The following LRRC3B variants were observed in gnomAD, a reference collection of about 807,000 sequenced individuals.
The protein encoded by LRRC3B is leucine rich repeat containing 3B, also known as leucine-rich repeat-containing protein 3B.
In LRRC3B, 2 loss-of-function variants were observed where a neutral mutation model predicts 12.8. The observed-to-expected ratio is 0.16, with a 90% CI of 0.06 to 0.49. The LOEUF is 0.49. LRRC3B is among the 20% of genes least tolerant of loss of function. The pLI, the probability that LRRC3B is intolerant of heterozygous loss-of-function variation, is 0.96. For missense variants in LRRC3B, 189 were observed against 319.4 expected, an observed-to-expected ratio of 0.59 and a Z score of 3.11; for synonymous variants, 132 against 122.0, an observed-to-expected ratio of 1.08 and a Z score of -0.54.
chr3:26,692,020 C>G (rs1264433905), intron 1 of LRRC3B, among the ~76,000 whole-genome samples: 1 of 152,192 alleles, frequency 6.6e-6, no homozygotes, highest in African/African-American at 2.4e-5. Flanking sequence ...ACTAGGATGG[C>G]TATCCACACA....
At chr3:26,671,413 G>GAGAGAGACACAC (rs9331540) in intron 1 of LRRC3B, among the ~76,000 whole-genome samples, 1 of 99,388 alleles carries the variant, frequency 1.0e-5, no homozygotes, top group African/African-American at 4.3e-5. Flanking sequence ...GAGAGAGAGA[G>GAGAGAGACACAC]ACGAAGTCTT....
At chr3:26,650,704 A>T (rs1004268829) in intron 1 of LRRC3B, among the ~76,000 whole-genome samples, 1 of 152,206 alleles carries the variant, frequency 6.6e-6, no homozygotes, top group Non-Finnish European at 1.5e-5. Context: ...GCAAGCTCCA[A>T]ATAGCTCATT....
At chr3:26,639,091 T>C (rs562439417) in intron 1 of LRRC3B, among the ~76,000 whole-genome samples, 1 of 152,332 alleles carries the variant, frequency 6.6e-6, no homozygotes, top group South Asian at 2.1e-4. Context: ...AATAGTCCCA[T>C]TCTATATAGT....
In LRRC3B at chr3:26,699,056, TTTG is replaced by T. The variant is rs1267502955; in HGVS notation, c.-160-10454_-160-10452del. 2.6e-5 allele frequency among the ~76,000 whole-genome samples: 4 copies of T among 152,160 alleles called. No homozygotes were observed. The East Asian group carries it at 7.7e-4, about 29-fold the overall frequency. The stretch of plus-strand genomic sequence containing the variant: ...TATTTTGTTTTGTTTATTTTTTATT[TTTG>T]TTTTTTGTTTTTCTTCAGTGAAATT... On this transcript the variant is annotated intron_variant, in intron 1 of 1. Coordinates refer to ENST00000396641, the Ensembl canonical transcript of LRRC3B.
chr3:26,641,318 A>G (rs1032220918), intron 1 of LRRC3B, among the ~76,000 whole-genome samples: 17 of 152,126 alleles, frequency 1.1e-4, no homozygotes, highest in African/African-American at 3.9e-4. Flanking sequence ...GGGGGTGGAG[A>G]CCCAGGGGGA....
intron 1 of LRRC3B, among the ~76,000 whole-genome samples, chr3:26,676,890 T>C (rs997980219): frequency 8.5e-5 from 13 of 152,200 alleles, no homozygotes; most frequent in African/African-American, 3.1e-4. Context: ...GATCTGGCAG[T>C]GTGATTTATA....
chr3:26,631,975 A>T (rs911581009), intron 1 of LRRC3B, among the ~76,000 whole-genome samples: 4 of 152,150 alleles, frequency 2.6e-5, no homozygotes, highest in Admixed American at 2.6e-4. Context: ...GTTGACTCAG[A>T]CTCATTTCTT....
At chr3:26,681,310 G>C (rs1298002158) in intron 1 of LRRC3B, among the ~76,000 whole-genome samples, 1 of 152,104 alleles carries the variant, frequency 6.6e-6, no homozygotes, top group African/African-American at 2.4e-5. Context: ...GTTTTAACAG[G>C]GAAATTGATT....
At chr3:26,657,729 T>G (rs561357168) in intron 1 of LRRC3B, among the ~76,000 whole-genome samples, 1 of 152,294 alleles carries the variant, frequency 6.6e-6, no homozygotes, top group East Asian at 1.9e-4. Flanking sequence ...ACTTTCGAGG[T>G]TGCTCTCTGA....
At chr3:26,687,097 G>A (rs1014243422) in intron 1 of LRRC3B, among the ~76,000 whole-genome samples, 1 of 152,164 alleles carries the variant, frequency 6.6e-6, no homozygotes, top group Non-Finnish European at 1.5e-5. Flanking sequence ...ACTGAGAACA[G>A]GACAGGGCAT....
intron 1 of LRRC3B, among the ~76,000 whole-genome samples, chr3:26,694,036 G>A (rs1477068657): frequency 1.3e-5 from 2 of 152,072 alleles, no homozygotes; most frequent in Non-Finnish European, 2.9e-5. Context: ...AGTTGGTGGT[G>A]GGTGTTTCTC....
chr3:26,632,159 G>A (rs1698770332), intron 1 of LRRC3B, among the ~76,000 whole-genome samples: 1 of 152,196 alleles, frequency 6.6e-6, no homozygotes, highest in South Asian at 2.1e-4. Flanking sequence ...GGTACAAAGG[G>A]GTGAAACAAT....
At chr3:26,668,628 G>A (rs1392164382) in intron 1 of LRRC3B, among the ~76,000 whole-genome samples, 1 of 152,122 alleles carries the variant, frequency 6.6e-6, no homozygotes, top group Non-Finnish European at 1.5e-5. Context: ...TTTTTAATGT[G>A]GCAGCATTGA....
At chr3:26,628,765 C>T (rs1324136521) in intron 1 of LRRC3B, among the ~76,000 whole-genome samples, 1 of 149,810 alleles carries the variant, frequency 6.7e-6, no homozygotes, top group East Asian at 2.0e-4. Context: ...TAGGCTTGAA[C>T]ATACTATTTC....
At chr3:26,642,074 A>T (rs544657108) in intron 1 of LRRC3B, among the ~76,000 whole-genome samples, 1 of 152,244 alleles carries the variant, frequency 6.6e-6, no homozygotes, top group Non-Finnish European at 1.5e-5. Flanking sequence ...GTATTATTGT[A>T]TAGTTCTGCA....
At chr3:26,676,674 A>T (rs3933883) in intron 1 of LRRC3B, among the ~76,000 whole-genome samples, 1 of 151,488 alleles carries the variant, frequency 6.6e-6, no homozygotes, top group African/African-American at 2.4e-5. Context: ...TGTGGAAGTC[A>T]GTGTGGCGAT....
At chr3:26,673,587 A>C (rs749831767) in intron 1 of LRRC3B, among the ~76,000 whole-genome samples, 3 of 152,220 alleles carry the variant, frequency 2.0e-5, no homozygotes, top group Non-Finnish European at 4.4e-5. Flanking sequence ...ATAAAAGAGA[A>C]GAGAATATTC....
At chr3:26,676,898 A>T (rs1699871931) in intron 1 of LRRC3B, among the ~76,000 whole-genome samples, 2 of 152,232 alleles carry the variant, frequency 1.3e-5, no homozygotes, top group South Asian at 2.1e-4. Flanking sequence ...AGTGTGATTT[A>T]TAAGGAGGAG....
At chr3:26,687,234 G>T (rs1700106252) in intron 1 of LRRC3B, among the ~76,000 whole-genome samples, 1 of 152,164 alleles carries the variant, frequency 6.6e-6, no homozygotes, top group Non-Finnish European at 1.5e-5. Flanking sequence ...AGGTCCTAAT[G>T]TATTTTTCTT....
Sources: gnomAD v4.1 joint callset for allele counts (sites outside exome capture counted in the v4.1 genomes callset) on GRCh38, gnomAD v4.1.1 for gene constraint, MANE v1.5 for transcripts, NCBI Gene and HGNC (gene_info 2026-07-23, HGNC 2026-07-21) for gene names.